RAP1GAP2: variants seen among roughly 807,000 people sequenced by gnomAD.
The protein encoded by RAP1GAP2 is RAP1 GTPase activating protein 2.
RAP1GAP2 carries 27 observed loss-of-function variants against 95.0 expected under a neutral mutation model. That is an observed-to-expected ratio of 0.28 (90% CI 0.21 to 0.39). The LOEUF (loss-of-function observed/expected upper bound fraction) is 0.39. Among genes scored for constraint, RAP1GAP2 ranks in the 10% least tolerant of loss-of-function variants. The pLI is 1.00. For synonymous variants in RAP1GAP2, 373 were observed against 380.9 expected (o/e 0.98, Z 0.24); for missense variants, 771 against 970.0 (o/e 0.79, Z 2.72).
chr17:3,002,540 G>A (rs2046197324), intron 14 of RAP1GAP2, among the ~76,000 whole-genome samples: 1 of 152,206 alleles, frequency 6.6e-6, no homozygotes, highest in African/African-American at 2.4e-5. Context: ...ATCCCCCAGG[G>A]GGCCTGGGTG....
At chr17:2,959,880 C>T (rs1374492572) in intron 4 of RAP1GAP2, among the ~76,000 whole-genome samples, 2 of 152,120 alleles carry the variant, frequency 1.3e-5, no homozygotes, top group Non-Finnish European at 2.9e-5. Flanking sequence ...CATCCCAGCA[C>T]TTGGGAGGTC....
chr17:2,930,014 A>G (rs2151790067), intron 3 of RAP1GAP2, among the ~76,000 whole-genome samples: 1 of 152,322 alleles, frequency 6.6e-6, no homozygotes, highest in African/African-American at 2.4e-5. Context: ...GTGTGGCCAA[A>G]GGACCTCTTA....
At chr17:2,979,460 GTTTTTTTTTT>G (rs71153320) in intron 8 of RAP1GAP2, among the ~76,000 whole-genome samples, 1 of 78,606 alleles carries the variant, frequency 1.3e-5, no homozygotes, top group African/African-American at 5.3e-5. Flanking sequence ...GGCGTGTTCT[GTTTTTTTTTT>G]TTTTTTTTTT....
At chr17:2,915,871 T>G (rs2042551103) in intron 3 of RAP1GAP2, among the ~76,000 whole-genome samples, 1 of 152,060 alleles carries the variant, frequency 6.6e-6, no homozygotes, top group African/African-American at 2.4e-5. Flanking sequence ...CTGATTTTTT[T>G]GTATTTTTAC....
At chr17:2,968,746 C>A (rs1002427147) in intron 8 of RAP1GAP2, among the ~76,000 whole-genome samples, 1 of 151,936 alleles carries the variant, frequency 6.6e-6, no homozygotes, top group Non-Finnish European at 1.5e-5. Context: ...CAAAGATTCT[C>A]GATTTGGGTC....
At position 2,965,471 on chromosome 17, in the gene RAP1GAP2, G is replaced by A; in HGVS notation, c.493-69G>A. Reference sequence around the variant, plus strand: ...TGTGGGGCTTCTCCTGGTGAAGGAGGTGGTTTAGGGGGAACATACCTGGAA... The same window carrying A: ...TGTGGGGCTTCTCCTGGTGAAGGAGATGGTTTAGGGGGAACATACCTGGAA... On this transcript the variant is annotated intron_variant, in intron 7 of 24. Coordinates refer to ENST00000254695, the MANE Select transcript of RAP1GAP2 (RefSeq NM_015085.5). The surrounding 1 kb of genome is among the most constrained non-coding windows in gnomAD (Gnocchi z 4.7). 1 of 1,160,268 alleles carries A rather than the reference G, an allele frequency of 8.6e-7. No individual in the cohort carries two copies. Among genetic ancestry groups the A allele is most frequent in the East Asian group, 2.5e-5 (1 of 39,330 alleles). 71.9% of individuals were successfully genotyped at this position (1,160,268 alleles called of 1,614,324 possible).
At chr17:2,956,772 G>A (rs981900071) in intron 3 of RAP1GAP2, among the ~76,000 whole-genome samples, 1 of 152,058 alleles carries the variant, frequency 6.6e-6, no homozygotes, top group South Asian at 2.1e-4. Context: ...GTTTTTCCTG[G>A]ATACACAAGG....
At chr17:2,837,207 C>T (rs866805406) in intron 2 of RAP1GAP2, among the ~76,000 whole-genome samples, 6 of 150,390 alleles carry the variant, frequency 4.0e-5, no homozygotes, top group Admixed American at 6.7e-5. Flanking sequence ...GCTATGATTG[C>T]GCCACTGCAC....
intron 2 of RAP1GAP2, among the ~76,000 whole-genome samples, chr17:2,803,966 C>T (rs1028187918): frequency 6.6e-6 from 1 of 152,202 alleles, no homozygotes; most frequent in Non-Finnish European, 1.5e-5. Context: ...TAAAGATGGA[C>T]AGACAGATGG....
chr17:2,887,550 A>G (rs1205493268), intron 2 of RAP1GAP2, among the ~76,000 whole-genome samples: 1 of 144,154 alleles, frequency 6.9e-6, no homozygotes, highest in Non-Finnish European at 1.5e-5. Context: ...AATTTTTTGT[A>G]TTTTTAGTAG....
chr17:2,895,383 G>T (rs114715718), intron 2 of RAP1GAP2, among the ~76,000 whole-genome samples: 5 of 152,146 alleles, frequency 3.3e-5, no homozygotes, highest in Non-Finnish European at 5.9e-5. Context: ...CCAAGCCTGC[G>T]CCCAAGCCTC....
At chr17:2,756,611 G>T (rs1330695143) in intron 1 of RAP1GAP2, among the ~76,000 whole-genome samples, 2 of 152,182 alleles carry the variant, frequency 1.3e-5, no homozygotes, top group Non-Finnish European at 2.9e-5. Flanking sequence ...AAAAGAGAAT[G>T]TCGGCCTGGG....
chr17:2,971,260 C>T (rs575976172), intron 8 of RAP1GAP2, among the ~76,000 whole-genome samples: 10 of 152,162 alleles, frequency 6.6e-5, no homozygotes, highest in Non-Finnish European at 2.9e-5. Context: ...CACTAAACCA[C>T]TGAGAAGTAA....
At chr17:2,801,597 A>ATGTGTGTGTGTGTGTG (rs71150898) in intron 2 of RAP1GAP2, among the ~76,000 whole-genome samples, 36 of 121,954 alleles carry the variant, frequency 3.0e-4, no homozygotes, top group African/African-American at 2.9e-4. Context: ...ACTCCAGGGT[A>ATGTGTGTGTGTGTGTG]TGTGTGTGTG....
At chr17:3,009,794 T>G in intron 17 of RAP1GAP2, among the ~76,000 whole-genome samples, 1 of 151,578 alleles carries the variant, frequency 6.6e-6, no homozygotes, top group African/African-American at 2.4e-5. Context: ...AATTGGGAGA[T>G]CAAGACGGAA....
At chr17:3,032,590 C>T (rs1401085590) in intron 24 of RAP1GAP2, 141 bp downstream of exon 24, 2 of 806,126 alleles carry the variant, frequency 2.5e-6, no homozygotes, top group Non-Finnish European at 4.1e-6. Flanking sequence ...CCTACTCGCC[C>T]CTGAAGACCT....
intron 11 of RAP1GAP2, among the ~76,000 whole-genome samples, chr17:2,990,121 T>C (rs2045701604): frequency 6.6e-6 from 1 of 152,242 alleles, no homozygotes; most frequent in African/African-American, 2.4e-5. Context: ...ATAGCCCACA[T>C]TTTGTCTATC....
chr17:2,981,123 C>G, intron 9 of RAP1GAP2, 72 bp from the exon 10 acceptor site: 1 of 1,435,242 alleles, frequency 7.0e-7, no homozygotes, highest in Non-Finnish European at 9.7e-7. Context: ...CCGCATTGTC[C>G]AGGTGGGCAG....
chr17:2,898,485 A>T (rs866372660), intron 2 of RAP1GAP2, among the ~76,000 whole-genome samples: 25 of 152,176 alleles, frequency 1.6e-4, no homozygotes, highest in African/African-American at 6.0e-4. Context: ...CAGCACAGGC[A>T]TGAGGGTCAT....
Sources: allele counts gnomAD v4.1 joint callset (sites outside exome capture counted in the v4.1 genomes callset), GRCh38; gene constraint gnomAD v4.1.1; non-coding constraint Gnocchi (gnomAD v3.1); transcripts MANE v1.5; gene names NCBI Gene and HGNC (gene_info 2026-07-23, HGNC 2026-07-21).